Variants in GNAZ observed in about 807,000 individuals in gnomAD.
The protein encoded by GNAZ is G protein subunit alpha z.
In GNAZ, 3 loss-of-function variants were observed where a neutral mutation model predicts 25.4. The observed-to-expected ratio is 0.12, with a 90% CI of 0.05 to 0.30. The LOEUF (loss-of-function observed/expected upper bound fraction) is 0.30. Among genes scored for constraint, GNAZ ranks in the 10% least tolerant of loss-of-function variants. GNAZ has a pLI of 1.00. For synonymous variants in GNAZ, 211 were observed against 205.7 expected, an observed-to-expected ratio of 1.03 and a Z score of -0.22; for missense variants, 241 against 501.8, an observed-to-expected ratio of 0.48 and a Z score of 4.97.
At chr22:23,106,836 C>G (rs1329773115) in intron 2 of GNAZ, among the ~76,000 whole-genome samples, 1 of 152,230 alleles carries the variant, frequency 6.6e-6, no homozygotes, top group Non-Finnish European at 1.5e-5. Flanking sequence ...AAGTGGGGGC[C>G]TTCTGACCTG....
chr22:23,120,574 T>C (rs1420148117), intron 2 of GNAZ, among the ~76,000 whole-genome samples: 1 of 152,046 alleles, frequency 6.6e-6, no homozygotes, highest in Non-Finnish European at 1.5e-5. Flanking sequence ...CTAAGCTGGG[T>C]ATTAAAACCA....
rs187559871 is a variant in GNAZ at position 23,081,617 on chromosome 22, T to A, written c.-450+11047T>A. Among the ~76,000 whole-genome samples, 4 of 144,806 alleles carry A rather than the reference T, an allele frequency of 2.8e-5. No individual in the cohort carries two copies. The East Asian group carries it at 6.1e-4, about 22-fold the overall frequency. 95.0% of individuals were successfully genotyped at this position (144,806 alleles called of 152,430 possible). On this transcript the variant is annotated intron_variant, in intron 1 of 2. Transcript: ENST00000615612. ...CAGGTGGATCATTTGAGGTCAGGAG[T>A]TTGAGACCAATGTGGCCAACATGGC...
chr22:23,120,903 A>T (rs554660524), intron 2 of GNAZ, among the ~76,000 whole-genome samples: 1 of 152,340 alleles, frequency 6.6e-6, no homozygotes, highest in Non-Finnish European at 1.5e-5. Context: ...CATATCTGTT[A>T]TTTAACTGAT....
chr22:23,096,675 G>A lies in GNAZ; in HGVS notation c.723+257G>A, dbSNP rs370826950. On this transcript the variant is annotated intron_variant, in intron 2 of 2. Transcript: ENST00000615612. Reference sequence around the variant, plus strand: ...GGGCAAGAGAGTGTGAGGCTCCGCCGGGCATCCATGATCAATCCATGTGAT... The same window carrying A: ...GGGCAAGAGAGTGTGAGGCTCCGCCAGGCATCCATGATCAATCCATGTGAT... Among the ~76,000 whole-genome samples the A allele has an allele frequency of 2.0e-5, 3 of 152,288 alleles. No homozygotes were observed. In the South Asian group the frequency reaches 6.2e-4, roughly 32 times the overall value.
chr22:23,099,493 T>A (rs1253039404), intron 2 of GNAZ, among the ~76,000 whole-genome samples: 1 of 151,506 alleles, frequency 6.6e-6, no homozygotes, highest in African/African-American at 2.4e-5. Context: ...CACAAGGGGG[T>A]TTTTCTGGCG....
intron 2 of GNAZ, among the ~76,000 whole-genome samples, chr22:23,120,358 G>A (rs1569186592): frequency 6.6e-6 from 1 of 152,102 alleles, no homozygotes; most frequent in Non-Finnish European, 1.5e-5. Context: ...CTTGGCCTTG[G>A]AGAGAGGGGG....
At chr22:23,112,635 C>A (rs1271206283) in intron 2 of GNAZ, among the ~76,000 whole-genome samples, 1 of 152,138 alleles carries the variant, frequency 6.6e-6, no homozygotes, top group East Asian at 1.9e-4. Context: ...AGGGCCACTT[C>A]CTGAGAAATG....
rs2069114038 is a variant in GNAZ at position 23,096,040 on chromosome 22, G to A, written c.345G>A (p.Glu115=). The A allele has an allele frequency of 1.2e-6, 2 of 1,606,758 alleles. No individual in the cohort carries two copies. The highest frequency in any genetic ancestry group is 1.7e-6 in the Non-Finnish European group (2 of 1,179,938). Residue 115 remains glutamate, a synonymous_variant, in exon 2 of 3, where the codon GAG becomes GAA. Coordinates refer to ENST00000615612, the MANE Select transcript of GNAZ (RefSeq NM_002073.4). ...VQLFALTGPA[E]SKGEITPELL... is the part of the protein sequence containing the mutation. ...TCTTTGCGCTGACGGGCCCCGCTGAGAGCAAGGGCGAGATCACACCCGAGC... is the reference window on the plus strand; with the variant it reads ...TCTTTGCGCTGACGGGCCCCGCTGAAAGCAAGGGCGAGATCACACCCGAGC...
chr22:23,080,305 C>T (rs372382265), intron 1 of GNAZ, among the ~76,000 whole-genome samples: 11 of 152,322 alleles, frequency 7.2e-5, no homozygotes, highest in African/African-American at 2.6e-4. Context: ...GGACAGGTGG[C>T]TGAGGGTGTC....
intron 2 of GNAZ, among the ~76,000 whole-genome samples, chr22:23,110,075 G>A (rs989981949): frequency 1.1e-4 from 16 of 152,334 alleles, no homozygotes; most frequent in African/African-American, 3.8e-4. Flanking sequence ...TGGTCATCCA[G>A]CTCTGTCCCC....
chr22:23,119,634 C>T (rs2069952847), intron 2 of GNAZ, among the ~76,000 whole-genome samples: 1 of 152,250 alleles, frequency 6.6e-6, no homozygotes, highest in Admixed American at 6.5e-5. Context: ...CTAAGCTTCA[C>T]CTCCTACTAG....
chr22:23,087,986 G>A (rs1016179433), intron 1 of GNAZ, among the ~76,000 whole-genome samples: 2 of 152,236 alleles, frequency 1.3e-5, no homozygotes, highest in Admixed American at 1.3e-4. Flanking sequence ...CAAGAAGGAG[G>A]TCTGCTTTGG....
intron 2 of GNAZ, among the ~76,000 whole-genome samples, chr22:23,098,590 A>G (rs2069194499): frequency 6.6e-6 from 1 of 152,216 alleles, no homozygotes; most frequent in Non-Finnish European, 1.5e-5. Context: ...CACACCCACC[A>G]CCATCACCCT....
chr22:23,115,532 C>T (rs1427270103), intron 2 of GNAZ, among the ~76,000 whole-genome samples: 1 of 152,146 alleles, frequency 6.6e-6, no homozygotes. Context: ...TCGGGTTGCC[C>T]AGAGGGGAGC....
At chr22:23,106,156 T>C (rs1053172797) in intron 2 of GNAZ, among the ~76,000 whole-genome samples, 3 of 152,216 alleles carry the variant, frequency 2.0e-5, no homozygotes, top group African/African-American at 7.2e-5. Context: ...CTCAGCAACT[T>C]TGACCAACAC....
At position 23,099,539 on chromosome 22, in the gene GNAZ, G is replaced by A. The variant is rs189122073; in HGVS notation, c.723+3121G>A. Among the ~76,000 whole-genome samples the A allele has an allele frequency of 4.6e-4, 70 of 152,354 alleles. 1 individual carries two copies. In the East Asian group the frequency reaches 9.3e-3, roughly 20 times the overall value. ...CTGAATGATCCTGTGGGGCAGCAGC[G>A]CCTGTTATTTTTGTCACAGATCGAG... On this transcript the variant is annotated intron_variant, in intron 2 of 2. Transcript: ENST00000615612.
chr22:23,105,952 C>T (rs1030888041), intron 2 of GNAZ, among the ~76,000 whole-genome samples: 1 of 152,102 alleles, frequency 6.6e-6, no homozygotes, highest in African/African-American at 2.4e-5. Flanking sequence ...TGAGGGTGCC[C>T]ACGGCCTCCC....
At chr22:23,110,846 G>T (rs1003148194) in intron 2 of GNAZ, among the ~76,000 whole-genome samples, 1 of 152,310 alleles carries the variant, frequency 6.6e-6, no homozygotes, top group South Asian at 2.1e-4. Context: ...GGACCCAAGG[G>T]CCCACCACAC....
intron 2 of GNAZ, among the ~76,000 whole-genome samples, chr22:23,098,006 G>C (rs775195457): frequency 1.3e-5 from 2 of 152,266 alleles, no homozygotes; most frequent in African/African-American, 2.4e-5. Context: ...AGTCAGTCCA[G>C]TTTTTCATGG....
Sources: allele counts gnomAD v4.1 joint callset (sites outside exome capture counted in the v4.1 genomes callset), GRCh38; gene constraint gnomAD v4.1.1; transcripts MANE v1.5; gene names NCBI Gene and HGNC (gene_info 2026-07-23, HGNC 2026-07-21).